Variants in GABRG2 observed in about 807,000 individuals in gnomAD.
The protein encoded by GABRG2 is gamma-aminobutyric acid receptor subunit gamma-2.
A neutral mutation model predicts 56.4 loss-of-function variants in GABRG2; 16 were observed. That is an observed-to-expected ratio of 0.28 (90% CI 0.19 to 0.43). The LOEUF (loss-of-function observed/expected upper bound fraction) is 0.43. Among genes scored for constraint, GABRG2 ranks in the 20% least tolerant of loss-of-function variants. The probability of loss-of-function intolerance (pLI) is 1.00; values close to 1 mark genes in which losing one functional copy is unlikely to be tolerated. For synonymous variants in GABRG2, 208 were observed against 205.5 expected, an observed-to-expected ratio of 1.01 and a Z score of -0.10; for missense variants, 327 against 582.7, an observed-to-expected ratio of 0.56 and a Z score of 4.52.
chr5:162,070,757 T>TA, intron 1 of GABRG2, among the ~76,000 whole-genome samples: 1 of 151,934 alleles, frequency 6.6e-6, no homozygotes, highest in Non-Finnish European at 1.5e-5. Flanking sequence ...TGTGCTGTCA[T>TA]AAAAAATAAC....
intron 6 of GABRG2, among the ~76,000 whole-genome samples, chr5:162,109,405 TATATATATATATATA>T (rs1561647207): frequency 6.5e-5 from 9 of 138,638 alleles, no homozygotes; most frequent in African/African-American, 2.5e-4. Flanking sequence ...TATATATATA[TATATATATATATATA>T]TATTTATTTA....
intron 4 of GABRG2, chr5:162,100,184 C>A (rs1761310985): frequency 6.6e-6 from 1 of 152,058 alleles, no homozygotes; most frequent in Non-Finnish European, 1.5e-5. Flanking sequence ...GCAATTCACT[C>A]TACCCAGTGC....
intron 6 of GABRG2, among the ~76,000 whole-genome samples, chr5:162,132,060 G>T (rs1368190729): frequency 6.6e-6 from 1 of 151,716 alleles, no homozygotes; most frequent in Non-Finnish European, 1.5e-5. Flanking sequence ...ATTACAACCA[G>T]TTATTGCAAC....
chr5:162,146,594 A>G (rs1764965945), intron 7 of GABRG2, among the ~76,000 whole-genome samples: 1 of 151,392 alleles, frequency 6.6e-6, no homozygotes, highest in Non-Finnish European at 1.5e-5. Flanking sequence ...GCATTGGCTC[A>G]CTGTTTCACA....
Position 162,149,139 on chromosome 5 carries a change from C to T in GABRG2, c.954C>T (p.Leu318=), listed in dbSNP as rs749531013. ...GITTVLTMTT[L]STIARKSLPK... ...CCACTGTCCTGACAATGACCACCCT[C>T]AGCACCATTGCCCGGAAATCGCTCC... The change falls in exon 8 of 10, where the codon CTC becomes CTT. Residue 318 remains leucine, a synonymous_variant. Transcript: ENST00000639213. 69 of 1,613,882 alleles carry T rather than the reference C, an allele frequency of 4.3e-5. No individual in the cohort carries two copies. The African/African-American group carries it at 8.5e-4, about 20-fold the overall frequency.
chr5:162,073,580 C>T (rs1258248300), intron 1 of GABRG2, among the ~76,000 whole-genome samples: 1 of 151,860 alleles, frequency 6.6e-6, no homozygotes, highest in Non-Finnish European at 1.5e-5. Flanking sequence ...AATAATATTA[C>T]AACTTCATAT....
chr5:162,071,177 T>C (rs1581283820), intron 1 of GABRG2, among the ~76,000 whole-genome samples: 1 of 151,636 alleles, frequency 6.6e-6, no homozygotes, highest in Non-Finnish European at 1.5e-5. Context: ...AAAAACTATA[T>C]ATATACCACA....
intron 1 of GABRG2, among the ~76,000 whole-genome samples, chr5:162,079,137 C>T (rs1759439608): frequency 6.6e-6 from 1 of 152,008 alleles, no homozygotes; most frequent in Non-Finnish European, 1.5e-5. Flanking sequence ...TCCAGGTACT[C>T]TTGTGGTCAA....
chr5:162,141,745 A>G (rs1373979948), intron 6 of GABRG2, among the ~76,000 whole-genome samples: 2 of 152,218 alleles, frequency 1.3e-5, no homozygotes, highest in South Asian at 2.1e-4. Flanking sequence ...TATGTTTTTT[A>G]TAAAGATTTT....
chr5:162,090,313 C>CACATAG (rs1342541121), intron 1 of GABRG2, among the ~76,000 whole-genome samples: 1 of 137,186 alleles, frequency 7.3e-6, no homozygotes, highest in African/African-American at 3.0e-5. Context: ...CATACACATA[C>CACATAG]ACATACACAT....
chr5:162,141,513 A>G (rs1764568060), intron 6 of GABRG2, among the ~76,000 whole-genome samples: 1 of 152,194 alleles, frequency 6.6e-6, no homozygotes, highest in African/African-American at 2.4e-5. Context: ...GTGAGCTTAA[A>G]TGGGAACTGT....
intron 7 of GABRG2, 42 bp from the exon 8 acceptor site, chr5:162,149,066 C>G: frequency 1.3e-6 from 2 of 1,589,946 alleles, no homozygotes; most frequent in Non-Finnish European, 1.7e-6. Context: ...ACCCAACTTG[C>G]TTATGCAATC....
chr5:162,140,696 A>G (rs1054876160), intron 6 of GABRG2, among the ~76,000 whole-genome samples: 5 of 152,240 alleles, frequency 3.3e-5, no homozygotes, highest in African/African-American at 4.8e-5. Flanking sequence ...TTGAAAAGCT[A>G]TCTCATTTAT....
chr5:162,081,009 G>T (rs936835708), intron 1 of GABRG2, among the ~76,000 whole-genome samples: 1 of 152,020 alleles, frequency 6.6e-6, no homozygotes, highest in Non-Finnish European at 1.5e-5. Context: ...TATGATTTGT[G>T]CATTAATTGA....
rs376042719 is a variant in GABRG2, at chr5:162,085,055, AGC to A, written c.108-8772_108-8771del. On this transcript the variant is annotated intron_variant, in intron 1 of 9. Coordinates refer to ENST00000639213, the MANE Select transcript of GABRG2 (RefSeq NM_198904.4). ...ATGTTAGTGTGTAGTGTGCAAGACAAGCTGTCCCAGTTTTCCCAAGGTCATGC... is the reference window on the plus strand; with the variant it reads ...ATGTTAGTGTGTAGTGTGCAAGACAATGTCCCAGTTTTCCCAAGGTCATGC... 3.6e-4 allele frequency among the ~76,000 whole-genome samples: 54 copies of A among 152,106 alleles called. No individual in the cohort carries two copies. The East Asian group carries it at 0.01, about 28-fold the overall frequency.
At chr5:162,087,653 G>A (rs1457240063) in intron 1 of GABRG2, among the ~76,000 whole-genome samples, 3 of 152,010 alleles carry the variant, frequency 2.0e-5, no homozygotes, top group African/African-American at 7.2e-5. Flanking sequence ...CTAAGATTTT[G>A]AATACGTAGT....
intron 6 of GABRG2, among the ~76,000 whole-genome samples, chr5:162,104,786 A>G (rs1421929360): frequency 6.6e-6 from 1 of 152,082 alleles, no homozygotes; most frequent in East Asian, 1.9e-4. Context: ...AAAAGTAAAT[A>G]TTTTTATATT....
chr5:162,136,569 TG>T lies in GABRG2; in HGVS notation c.770-5593del, dbSNP rs369368103. Reference sequence around the variant, plus strand: ...ATTCAGCAATCTAGGGGAGAGATGATGGCAGGAAGAATAAAGATGGAAAAAT... The same window carrying T: ...ATTCAGCAATCTAGGGGAGAGATGATGCAGGAAGAATAAAGATGGAAAAAT... On this transcript the variant is annotated intron_variant, in intron 6 of 9. Transcript: ENST00000639213. 4.6e-4 allele frequency among the ~76,000 whole-genome samples: 70 copies of T among 151,970 alleles called. 1 individual carries two copies. The East Asian group carries it at 7.6e-3, about 16-fold the overall frequency.
At position 162,142,334 on chromosome 5, in the gene GABRG2, A is replaced by C. The variant is rs766906928; in HGVS notation, c.922+18A>C. ...ATCTTTAGGTGAGACACCTTTGTTT[A>C]TGTTGCAGTTTCTCAAGATAAGTAC... On this transcript the variant is annotated intron_variant, in intron 7 of 9. Transcript: ENST00000639213. The C allele has an allele frequency of 2.7e-5, 43 of 1,613,516 alleles. No individual in the cohort carries two copies. The highest frequency in any genetic ancestry group is 3.5e-5 in the Non-Finnish European group (41 of 1,179,684).
Sources: allele counts gnomAD v4.1 joint callset (sites outside exome capture counted in the v4.1 genomes callset), GRCh38; gene constraint gnomAD v4.1.1; transcripts MANE v1.5; gene names NCBI Gene and HGNC (gene_info 2026-07-23, HGNC 2026-07-21).